TIE1: variants seen among roughly 807,000 people sequenced by gnomAD.
The protein encoded by TIE1 is tyrosine kinase with immunoglobulin like and EGF like domains 1.
Under a neutral mutation model 130.5 loss-of-function variants are expected in TIE1, and 89 were observed. The ratio of observed to expected loss-of-function variants is 0.68; its 90% CI spans 0.57 to 0.81. The LOEUF is 0.81. Among genes scored for constraint, TIE1 ranks in the 40% least tolerant of loss-of-function variants. TIE1 has a pLI of 0.00. For synonymous variants in TIE1, 568 were observed against 629.4 expected, an observed-to-expected ratio of 0.90 and a Z score of 1.46; for missense variants, 1,392 against 1,559.8, an observed-to-expected ratio of 0.89 and a Z score of 1.81.
rs1419504213 is a variant in TIE1, at chr1:43,313,322, C to A, written c.2115C>A (p.Ile705=). The A allele has an allele frequency of 1.2e-6, 2 of 1,613,950 alleles. No homozygotes were observed. The highest frequency in any genetic ancestry group is 1.7e-6 in the Non-Finnish European group (2 of 1,179,970). The change falls in exon 13 of 23, where the codon ATC becomes ATA. Residue 705 remains isoleucine, a synonymous_variant. Coordinates refer to ENST00000372476, the MANE Select transcript of TIE1 (RefSeq NM_005424.5). This position sits in a 1 kb window ranked among gnomAD's most constrained non-coding sequence, Gnocchi z 6.2. ...VDRPEETSTI[I]RGLNASTRYL... The stretch of plus-strand genomic sequence containing the variant: ...GGCCTGAGGAGACAAGCACCATCAT[C>A]CGTGGCCTCAACGCCAGCACGCGCT...
Position 43,305,321 on chromosome 1 carries a change from A to G in TIE1, c.462A>G (p.Thr154=). 6.3e-7 allele frequency: 1 copy of G among 1,579,294 alleles called. No individual in the cohort carries two copies. The highest frequency in any genetic ancestry group is 8.6e-7 in the Non-Finnish European group (1 of 1,160,132). The change falls in exon 3 of 23, where the codon ACA becomes ACG. Residue 154 remains threonine, a synonymous_variant. Coordinates refer to ENST00000372476, the MANE Select transcript of TIE1 (RefSeq NM_005424.5). ...LSARVHKEKQ[T]DVIWKSNGSY... ...CACGTGTGCACAAGGAGAAGCAGACAGACGTGATCTGGAAGAGCAACGGTA... is the reference window on the plus strand; with the variant it reads ...CACGTGTGCACAAGGAGAAGCAGACGGACGTGATCTGGAAGAGCAACGGTA...
In TIE1 at chr1:43,317,658, G is replaced by T; in HGVS notation, c.2715G>T (p.Gly905=). The change falls in exon 16 of 23, where the codon GGG becomes GGT. Residue 905 remains glycine, a synonymous_variant. Transcript: ENST00000372476. This position sits in a 1 kb window ranked among gnomAD's most constrained non-coding sequence, Gnocchi z 5.1. ...ACCCCAACATCATCAACCTCCTGGG[G>T]GCCTGTAAGAACCGAGGTGAGCCCC... ...GHHPNIINLL[G]ACKNRGYLYI... 6.3e-7 allele frequency: 1 copy of T among 1,590,396 alleles called. No homozygotes were observed. The highest frequency in any genetic ancestry group is 2.2e-5 in the East Asian group (1 of 44,570).
Position 43,313,743 on chromosome 1 carries a change from G to T in TIE1, c.2219-35G>T. 6.3e-7 allele frequency: 1 copy of T among 1,583,134 alleles called. No individual in the cohort carries two copies. The highest frequency in any genetic ancestry group is 8.6e-7 in the Non-Finnish European group (1 of 1,162,940). Reference sequence around the variant, plus strand: ...GTGGCCTCTGGGTTCCCTGACCCAGGTGTCCCCACAATCTGCCCCTCTCAC... The same window carrying T: ...GTGGCCTCTGGGTTCCCTGACCCAGTTGTCCCCACAATCTGCCCCTCTCAC... On this transcript the variant is annotated intron_variant, in intron 13 of 22. Transcript: ENST00000372476. The surrounding 1 kb of genome is among the most constrained non-coding windows in gnomAD (Gnocchi z 6.2).
chr1:43,317,046 C>G lies in TIE1; in HGVS notation c.2410-153C>G, dbSNP rs1032467881. 1.3e-5 allele frequency among the ~76,000 whole-genome samples: 2 copies of G among 152,156 alleles called. No individual in the cohort carries two copies. Among genetic ancestry groups the G allele is most frequent in the Non-Finnish European group, 2.9e-5 (2 of 68,022 alleles). ...TGTCTCAGTTATGTCCTCTGTCTGC[C>G]TGTCTGTCCCTGGCTGACCACCAGG... On this transcript the variant is annotated intron_variant, in intron 14 of 22. Coordinates refer to ENST00000372476, the MANE Select transcript of TIE1 (RefSeq NM_005424.5). This position sits in a 1 kb window ranked among gnomAD's most constrained non-coding sequence, Gnocchi z 5.1.
Position 43,311,729 on chromosome 1 carries a change from G to C in TIE1, c.1392G>C (p.Val464=), listed in dbSNP as rs143131144. 1,136 of 1,614,084 alleles carry C rather than the reference G, an allele frequency of 7.0e-4. 4 individuals are homozygous for C. The African/African-American group carries it at 0.014, about 20-fold the overall frequency. The change falls in exon 10 of 23, where the codon GTG becomes GTC. Residue 464 remains valine, a synonymous_variant. Coordinates refer to ENST00000372476, the MANE Select transcript of TIE1 (RefSeq NM_005424.5). ...TGACCAAGCAGAGCCGCCAGCTTGT[G>C]GTCTCCCCGCTGGTCTCGTTCTCTG... ...RLLTKQSRQL[V]VSPLVSFSGD... is the part of the protein sequence containing the mutation.
rs1230006609 is a variant in TIE1, at chr1:43,306,778, C to A, written c.485-62C>A. On this transcript the variant is annotated intron_variant, in intron 3 of 22. Transcript: ENST00000372476. This position sits in a 1 kb window ranked among gnomAD's most constrained non-coding sequence, Gnocchi z 4.9. Reference sequence around the variant, plus strand: ...TTGATGTGAGCTGAGCAGAGGTGGACAGAGAGAGGTGACACAGCCCTCATG... The same window carrying A: ...TTGATGTGAGCTGAGCAGAGGTGGAAAGAGAGAGGTGACACAGCCCTCATG... 4 of 1,539,616 alleles carry A rather than the reference C, an allele frequency of 2.6e-6. No individual in the cohort carries two copies. The African/African-American group carries it at 4.1e-5, about 16-fold the overall frequency.
At position 43,307,281 on chromosome 1, in the gene TIE1, G is replaced by A; in HGVS notation, c.772+8G>A. On this transcript the variant is annotated splice_region_variant and intron_variant, in intron 5 of 22. Transcript: ENST00000372476. This position sits in a 1 kb window ranked among gnomAD's most constrained non-coding sequence, Gnocchi z 5.4. ...GCACCCGCTGTGAACAGGGTAAGGA[G>A]GAGGGGAGCTAGGACCCAGGCAGGA... 1 of 1,614,048 alleles carries A rather than the reference G, an allele frequency of 6.2e-7. No individual in the cohort carries two copies. The highest frequency in any genetic ancestry group is 8.5e-7 in the Non-Finnish European group (1 of 1,179,994).
At chr1:43,314,701 G>A (rs964397938) in intron 14 of TIE1, 3 of 273,544 alleles carry the variant, frequency 1.1e-5, no homozygotes, top group African/African-American at 2.3e-5. Flanking sequence ...GGTGGTGCAT[G>A]CCTGTAATCC....
At position 43,316,045 on chromosome 1, in the gene TIE1, C is replaced by T. The variant is rs1386492177; in HGVS notation, c.2410-1154C>T. Reference sequence around the variant, plus strand: ...TTGCCCTTCCGCCTGGGCAACAGAGCGAGACCTTGTCTCAAAACAAACAAA... The same window carrying T: ...TTGCCCTTCCGCCTGGGCAACAGAGTGAGACCTTGTCTCAAAACAAACAAA... On this transcript the variant is annotated intron_variant, in intron 14 of 22. Coordinates refer to ENST00000372476, the MANE Select transcript of TIE1 (RefSeq NM_005424.5). This position sits in a 1 kb window ranked among gnomAD's most constrained non-coding sequence, Gnocchi z 4.4. 6.6e-5 allele frequency among the ~76,000 whole-genome samples: 10 copies of T among 152,238 alleles called. No homozygotes were observed. The highest frequency in any genetic ancestry group is 2.1e-4 in the South Asian group (1 of 4,832).
At position 43,307,727 on chromosome 1, in the gene TIE1, T is replaced by C. The variant is rs1646744954; in HGVS notation, c.914-69T>C. On this transcript the variant is annotated intron_variant, in intron 6 of 22. Coordinates refer to ENST00000372476, the MANE Select transcript of TIE1 (RefSeq NM_005424.5). The surrounding 1 kb of genome is among the most constrained non-coding windows in gnomAD (Gnocchi z 5.4). ...CCTGTTGTATAACCTGTGCCCCATC[T>C]GCGCCCTCATCTGTGCCCTCATTGC... 5 of 1,605,648 alleles carry C rather than the reference T, an allele frequency of 3.1e-6. No homozygotes were observed. The Admixed American group carries it at 8.4e-5, about 27-fold the overall frequency.
At position 43,309,456 on chromosome 1, in the gene TIE1, G is replaced by A. The variant is rs768974935; in HGVS notation, c.1257G>A (p.Ala419=). The A allele has an allele frequency of 2.5e-5, 40 of 1,612,212 alleles. No homozygotes were observed. Among genetic ancestry groups the A allele is most frequent in the Admixed American group, 6.7e-5 (4 of 59,522 alleles). ...AEFEVPRLVL[A]DSGFWECRVS... is the part of the protein sequence containing the mutation. The stretch of plus-strand genomic sequence containing the variant: ...TCGAGGTGCCCCGCTTGGTTCTTGC[G>A]GACAGTGGGTTCTGGGAGTGCCGTG... Residue 419 remains alanine (A), a synonymous_variant, in exon 9 of 23, where the codon GCG becomes GCA. Coordinates refer to ENST00000372476, the MANE Select transcript of TIE1 (RefSeq NM_005424.5). This position sits in a 1 kb window ranked among gnomAD's most constrained non-coding sequence, Gnocchi z 6.3.
chr1:43,302,585 T>TA (rs1173624043), intron 1 of TIE1: 1 of 151,812 alleles, frequency 6.6e-6, no homozygotes, highest in African/African-American at 2.4e-5. Flanking sequence ...AGCCAGAACA[T>TA]AAAAAATGCA....
intron 10 of TIE1, 41 bp from the exon 11 acceptor site, chr1:43,311,953 G>A (rs779951182): frequency 3.2e-6 from 5 of 1,562,454 alleles, no homozygotes; most frequent in Non-Finnish European, 4.4e-6. Context: ...TTCTAGAAGA[G>A]GTGGGGGCTG....
chr1:43,301,188 C>T, intron 1 of TIE1, 59 bp downstream of exon 1: 2 of 1,565,266 alleles, frequency 1.3e-6, no homozygotes, highest in South Asian at 2.4e-5. Flanking sequence ...GATTTCTACC[C>T]AAGAAACCCT....
chr1:43,320,309 T>C (rs914517609), intron 19 of TIE1: 3 of 152,346 alleles, frequency 2.0e-5, no homozygotes, highest in Non-Finnish European at 4.4e-5. Context: ...CTCAGTGTCT[T>C]CATCTGTAAA....
rs571917351 is a variant in TIE1 at position 43,307,966 on chromosome 1, G to A, written c.1042+42G>A. On this transcript the variant is annotated intron_variant, in intron 7 of 22. Transcript: ENST00000372476. The surrounding 1 kb of genome is among the most constrained non-coding windows in gnomAD (Gnocchi z 5.4). ...CTCTGAGAGCCCCCCAAGATAAGTCGGCCTTTACCAAACACATCTCCCCGG... is the reference window on the plus strand; with the variant it reads ...CTCTGAGAGCCCCCCAAGATAAGTCAGCCTTTACCAAACACATCTCCCCGG... 13 of 1,607,174 alleles carry A rather than the reference G, an allele frequency of 8.1e-6. No homozygotes were observed. Among genetic ancestry groups the A allele is most frequent in the South Asian group, 6.6e-5 (6 of 90,828 alleles).
rs1646885861 is a variant in TIE1 at position 43,318,755 on chromosome 1, C to T, written c.2923-480C>T. ...CTGTCCTCGAGTGATCCACCCGCCT[C>T]AGCCTCCCAAAGTGCTGGGATTACA... On this transcript the variant is annotated intron_variant, in intron 17 of 22. Transcript: ENST00000372476. This position sits in a 1 kb window ranked among gnomAD's most constrained non-coding sequence, Gnocchi z 4.4. Among the ~76,000 whole-genome samples, 1 of 152,112 alleles carries T rather than the reference C, an allele frequency of 6.6e-6. No individual in the cohort carries two copies. Among genetic ancestry groups the T allele is most frequent in the Non-Finnish European group, 1.5e-5 (1 of 68,016 alleles).
In TIE1 at chr1:43,305,105, T is replaced by C. The variant is rs769745687; in HGVS notation, c.313T>C (p.Cys105Arg). 1.9e-6 allele frequency: 3 copies of C among 1,613,290 alleles called. No homozygotes were observed. The highest frequency in any genetic ancestry group is 2.7e-5 in the African/African-American group (2 of 74,906). ...KPSDLVGVFS[C>R]VGGAGARRTR... Reference sequence around the variant, plus strand: ...CTCGGACCTCGTGGGCGTCTTCTCCTGCGTGGGCGGTGCTGGGGCGCGGCG... The same window carrying C: ...CTCGGACCTCGTGGGCGTCTTCTCCCGCGTGGGCGGTGCTGGGGCGCGGCG... The change falls in exon 2 of 23, where the codon TGC (cysteine) becomes CGC (arginine). Residue 105 changes from cysteine to arginine, a missense_variant. By Grantham distance (180) the Cys-to-Arg change is radical (BLOSUM62 -3). Coordinates refer to ENST00000372476, the MANE Select transcript of TIE1 (RefSeq NM_005424.5).
rs1406911366 is a variant in TIE1, at chr1:43,313,388, C to G, written c.2181C>G (p.Asp727Glu). The change falls in exon 13 of 23, where the codon GAC becomes GAG. Residue 727 changes from aspartate (D) to glutamate (E), a missense_variant. Asp to Glu is a conservative substitution (Grantham distance 45). Coordinates refer to ENST00000372476, the MANE Select transcript of TIE1 (RefSeq NM_005424.5). This position sits in a 1 kb window ranked among gnomAD's most constrained non-coding sequence, Gnocchi z 6.2. Reference protein sequence around the residue: ...RMRASIQGLGDWSNTVEESTL... With the variant: ...RMRASIQGLGEWSNTVEESTL... ...GGGCCAGCATTCAGGGGCTCGGGGACTGGAGCAACACAGTAGAAGAGTCCA... is the reference window on the plus strand; with the variant it reads ...GGGCCAGCATTCAGGGGCTCGGGGAGTGGAGCAACACAGTAGAAGAGTCCA... The G allele has an allele frequency of 2.5e-6, 4 of 1,614,002 alleles. No individual in the cohort carries two copies. Among genetic ancestry groups the G allele is most frequent in the Non-Finnish European group, 3.4e-6 (4 of 1,179,952 alleles).
Sources: gnomAD v4.1 joint callset for allele counts (sites outside exome capture counted in the v4.1 genomes callset) on GRCh38, gnomAD v4.1.1 for gene constraint, Gnocchi (gnomAD v3.1) non-coding constraint, MANE v1.5 for transcripts, NCBI Gene and HGNC (gene_info 2026-07-23, HGNC 2026-07-21) for gene names.